The following TIAM2 variants were observed in gnomAD, a reference collection of about 807,000 sequenced individuals.
The protein encoded by TIAM2 is rho guanine nucleotide exchange factor TIAM2.
Under a neutral mutation model 152.9 loss-of-function variants are expected in TIAM2, and 80 were observed. That is an observed-to-expected ratio of 0.52 (90% CI 0.44 to 0.63). The LOEUF is 0.63. TIAM2 is among the 30% of genes least tolerant of loss of function. The pLI is 0.00. For synonymous variants in TIAM2, 804 were observed against 838.0 expected, an observed-to-expected ratio of 0.96 and a Z score of 0.70; for missense variants, 1,965 against 2,120.1, an observed-to-expected ratio of 0.93 and a Z score of 1.44.
intron 2 of TIAM2, among the ~76,000 whole-genome samples, chr6:155,113,203 C>T (rs531323856): frequency 6.6e-6 from 1 of 152,124 alleles, no homozygotes; most frequent in South Asian, 2.1e-4. Flanking sequence ...CCATGCTGGT[C>T]CCTGCCTCTC....
chr6:155,093,938 C>T (rs1778355249), intron 2 of TIAM2, among the ~76,000 whole-genome samples: 1 of 152,106 alleles, frequency 6.6e-6, no homozygotes, highest in African/African-American at 2.4e-5. Context: ...TTAGGATTGA[C>T]AATTTTTGTG....
chr6:155,101,438 G>A lies in TIAM2; in HGVS notation c.-118+11059G>A, dbSNP rs532627632. On this transcript the variant is annotated intron_variant, in intron 2 of 26. Coordinates refer to ENST00000682666, the MANE Select transcript of TIAM2 (RefSeq NM_012454.4). ...AATTACATCCAAGGTGCACATTTACGTTTGTGAGGGATTATTTAATCTTTT... is the reference window on the plus strand; with the variant it reads ...AATTACATCCAAGGTGCACATTTACATTTGTGAGGGATTATTTAATCTTTT... Among the ~76,000 whole-genome samples, 13 of 152,294 alleles carry A rather than the reference G, an allele frequency of 8.5e-5. No homozygotes were observed. The South Asian group carries it at 2.7e-3, about 32-fold the overall frequency.
intron 1 of TIAM2, among the ~76,000 whole-genome samples, chr6:155,050,975 G>A (rs567233613): frequency 1.3e-5 from 2 of 152,038 alleles, no homozygotes; most frequent in Admixed American, 6.6e-5. Flanking sequence ...ATCAACTTCC[G>A]TTCTCTTCAT....
At chr6:155,038,310 T>C (rs1323290921) in intron 1 of TIAM2, among the ~76,000 whole-genome samples, 1 of 152,192 alleles carries the variant, frequency 6.6e-6, no homozygotes, top group Non-Finnish European at 1.5e-5. Context: ...GCCCTCCTGC[T>C]CCTTCCCCCA....
intron 14 of TIAM2, among the ~76,000 whole-genome samples, chr6:155,200,488 T>C (rs1378532964): frequency 1.3e-5 from 2 of 152,200 alleles, no homozygotes; most frequent in Non-Finnish European, 2.9e-5. Context: ...ACTATACAAT[T>C]TACCTTTTAC....
chr6:155,165,405 C>T lies in TIAM2; in HGVS notation c.2357C>T (p.Thr786Ile). The part of the protein sequence containing the change: ...RKGKEKRPSI[T>I]QVDELLHIYG... ...GGCAAGGAGAAGAGACCTTCTATAACTCAGGTGAGCTTTTCAGCATGGGAA... is the reference window on the plus strand; with the variant it reads ...GGCAAGGAGAAGAGACCTTCTATAATTCAGGTGAGCTTTTCAGCATGGGAA... Residue 786 changes from threonine (T) to isoleucine (I), a missense_variant, in exon 9 of 27, where the codon ACT becomes ATT. Physicochemically the swap from Thr to Ile is moderately conservative, Grantham distance 89 (BLOSUM62 -1). Transcript: ENST00000682666. The T allele has an allele frequency of 6.2e-7, 1 of 1,608,724 alleles. No homozygotes were observed. The highest frequency in any genetic ancestry group is 8.5e-7 in the Non-Finnish European group (1 of 1,178,512).
chr6:155,161,720 A>G (rs2115093788), intron 7 of TIAM2, among the ~76,000 whole-genome samples: 1 of 145,664 alleles, frequency 6.9e-6, no homozygotes, highest in African/African-American at 2.5e-5. Flanking sequence ...GGCGTGTGCC[A>G]CCACACCTGG....
intron 5 of TIAM2, among the ~76,000 whole-genome samples, chr6:155,144,191 C>T (rs948977711): frequency 6.6e-6 from 1 of 152,150 alleles, no homozygotes; most frequent in Non-Finnish European, 1.5e-5. Flanking sequence ...ATTCTGTGTT[C>T]TCTTCCTCCG....
intron 24 of TIAM2, 116 bp from the exon 25 acceptor site, chr6:155,253,857 C>A: frequency 2.8e-6 from 2 of 705,804 alleles, no homozygotes; most frequent in Non-Finnish European, 4.7e-6. Context: ...AGAAAATGAG[C>A]CAGGACTGGG....
rs771904059 is a variant in TIAM2, at chr6:155,253,049, A to G, written c.4221A>G (p.Pro1407=). The G allele has an allele frequency of 6.2e-7, 1 of 1,613,698 alleles. No homozygotes were observed. Among genetic ancestry groups the G allele is most frequent in the Non-Finnish European group, 8.5e-7 (1 of 1,179,708 alleles). ...CGCTTCAAGTCAGACTGGGGAATCC[A>G]GCAGGTAACTGTTTCGTGCAGTATG... ...ISALQVRLGN[P]AGTENNSIWE... is the part of the protein sequence containing the mutation. Residue 1407 remains proline (P), a synonymous_variant, in exon 24 of 27, where the codon CCA becomes CCG. Transcript: ENST00000682666.
At chr6:155,187,573 C>CCTTTTTTTTTTTTTTT (rs1189509294) in intron 14 of TIAM2, among the ~76,000 whole-genome samples, 2 of 49,622 alleles carry the variant, frequency 4.0e-5, no homozygotes, top group African/African-American at 7.9e-5. Context: ...ACCCCGCCCC[C>CCTTTTTTTTTTTTTTT]TTTTTTTTTT....
At chr6:155,251,161 C>G (rs550440905) in intron 22 of TIAM2, 140 bp downstream of exon 22, 5 of 694,920 alleles carry the variant, frequency 7.2e-6, no homozygotes, top group Admixed American at 2.5e-5. Flanking sequence ...ACAGGGCCAG[C>G]CCCCAACTAT....
intron 15 of TIAM2, among the ~76,000 whole-genome samples, chr6:155,221,110 GTTT>G (rs35638764): frequency 1.0e-3 from 99 of 98,968 alleles, no homozygotes; most frequent in Middle Eastern, 0.011. Context: ...CTTTCATCTT[GTTT>G]TTTTTTTTTT....
chr6:155,164,258 G>A (rs1167791002), intron 7 of TIAM2, among the ~76,000 whole-genome samples, 157 bp from the exon 8 acceptor site: 1 of 150,828 alleles, frequency 6.6e-6, no homozygotes, highest in Non-Finnish European at 1.5e-5. Flanking sequence ...ATTTTGATGG[G>A]AGGGATTGAG....
intron 2 of TIAM2, among the ~76,000 whole-genome samples, chr6:155,094,083 C>A (rs945773733): frequency 6.6e-6 from 1 of 152,056 alleles, no homozygotes; most frequent in Non-Finnish European, 1.5e-5. Flanking sequence ...AATTGATTGC[C>A]TGCGTTTAAA....
In TIAM2 at chr6:155,098,860, TTGCTTGTTATGTAAGTA is replaced by T. The variant is rs768510107; in HGVS notation, c.-118+8482_-118+8498del. Among the ~76,000 whole-genome samples the T allele has an allele frequency of 2.1e-4, 32 of 152,332 alleles. 1 individual carries two copies. In the East Asian group the frequency reaches 4.0e-3, roughly 19 times the overall value. On this transcript the variant is annotated intron_variant, in intron 2 of 26. Transcript: ENST00000682666. ...GGTCATTTGATGATATTATTGGGGC[TTGCTTGTTATGTAAGTA>T]ACACTTGGAGTTTATAAATGTACCA...
chr6:155,236,945 T>TA (rs1370426507), intron 15 of TIAM2, among the ~76,000 whole-genome samples: 4 of 152,184 alleles, frequency 2.6e-5, no homozygotes, highest in Non-Finnish European at 5.9e-5. Flanking sequence ...AAATCTCATA[T>TA]CTTCACATTT....
intron 15 of TIAM2, among the ~76,000 whole-genome samples, chr6:155,230,277 C>T (rs1782412588): frequency 6.6e-6 from 1 of 152,234 alleles, no homozygotes; most frequent in Admixed American, 6.5e-5. Flanking sequence ...TCCTAACTCG[C>T]ACCTGCCAGA....
chr6:155,229,065 C>T (rs1349312349), intron 15 of TIAM2, among the ~76,000 whole-genome samples: 4 of 152,226 alleles, frequency 2.6e-5, no homozygotes, highest in Admixed American at 2.0e-4. Context: ...CCACCTCCTC[C>T]CTCTCTGACC....
Sources: gnomAD v4.1 joint callset for allele counts (sites outside exome capture counted in the v4.1 genomes callset) on GRCh38, gnomAD v4.1.1 for gene constraint, MANE v1.5 for transcripts, NCBI Gene and HGNC (gene_info 2026-07-23, HGNC 2026-07-21) for gene names.